FAM20B: variants seen among roughly 807,000 people sequenced by gnomAD.
FAM20B encodes glycosaminoglycan xylosylkinase.
A neutral mutation model predicts 43.8 loss-of-function variants in FAM20B; 23 were observed. That is an observed-to-expected ratio of 0.53 (90% CI 0.38 to 0.74). The LOEUF is 0.74. FAM20B is among the 30% of genes least tolerant of loss of function. The probability of loss-of-function intolerance (pLI) is 0.00; values close to 1 mark genes in which losing one functional copy is unlikely to be tolerated. For synonymous variants in FAM20B, 178 were observed against 192.4 expected, an observed-to-expected ratio of 0.93 and a Z score of 0.62; for missense variants, 440 against 510.5, an observed-to-expected ratio of 0.86 and a Z score of 1.33.
upstream of FAM20B, among the ~76,000 whole-genome samples, chr1:179,024,280 G>A (rs1006070806): frequency 6.6e-6 from 1 of 152,222 alleles, no homozygotes; most frequent in Non-Finnish European, 1.5e-5. Flanking sequence ...CATCCGCCCA[G>A]GAAGCTGAGG....
chr1:179,031,005 T>C (rs1649988420), intron 1 of FAM20B, among the ~76,000 whole-genome samples: 1 of 152,158 alleles, frequency 6.6e-6, no homozygotes, highest in African/African-American at 2.4e-5. Context: ...CTCCTGCTTC[T>C]GAGAGTGATC....
rs544975538 is a variant in FAM20B at position 179,041,647 on chromosome 1, C to T, written c.-133-2068C>T. ...GAGGGAGAGGGAGACCGTGGGGAGA[C>T]GGGAGACGGGAGATGGGAGACAGGG... On this transcript the variant is annotated intron_variant, in intron 1 of 7. Transcript: ENST00000263733. Among the ~76,000 whole-genome samples the T allele has an allele frequency of 2.8e-4, 33 of 116,074 alleles. 1 individual carries two copies. The highest frequency in any genetic ancestry group is 1.3e-3 in the African/African-American group (30 of 22,928). 76.1% of individuals were successfully genotyped at this position (116,074 alleles called of 152,430 possible).
At chr1:179,047,044 T>C (rs1650803631) in intron 2 of FAM20B, among the ~76,000 whole-genome samples, 1 of 152,022 alleles carries the variant, frequency 6.6e-6, no homozygotes. Flanking sequence ...ACTGGAGAAT[T>C]GAAGGGGAGT....
At chr1:179,055,290 G>A (rs886791491) in intron 4 of FAM20B, among the ~76,000 whole-genome samples, 47 of 152,130 alleles carry the variant, frequency 3.1e-4, no homozygotes, top group African/African-American at 1.1e-3. Flanking sequence ...TCAAAAGTGC[G>A]GTGGTTTCTT....
chr1:179,056,690 A>G (rs1316360240), intron 4 of FAM20B, among the ~76,000 whole-genome samples: 1 of 152,226 alleles, frequency 6.6e-6, no homozygotes, highest in Non-Finnish European at 1.5e-5. Flanking sequence ...TAGTAAGAGT[A>G]CATTTAGTAA....
At position 179,067,267 on chromosome 1, in the gene FAM20B, C is replaced by A. The variant is rs115089168; in HGVS notation, c.998+408C>A. 8.5e-3 allele frequency among the ~76,000 whole-genome samples: 1,295 copies of A among 152,112 alleles called. 17 individuals carry two copies. Among genetic ancestry groups the A allele is most frequent in the African/African-American group, 0.03 (1,228 of 41,488 alleles). ...CATACCACCTGGGGTTTACATATTT[C>A]AGTTTGAAATTGTCTAAACCAAAAG... On this transcript the variant is annotated intron_variant, in intron 7 of 7. Coordinates refer to ENST00000263733, the MANE Select transcript of FAM20B (RefSeq NM_014864.4).
chr1:179,021,190 G>A (rs1033762212), upstream of FAM20B, among the ~76,000 whole-genome samples: 2 of 152,188 alleles, frequency 1.3e-5, no homozygotes, highest in African/African-American at 2.4e-5. Flanking sequence ...ATTATCCATC[G>A]ATGGTAGAAG....
chr1:179,052,055 A>C (rs1260092266), intron 3 of FAM20B, among the ~76,000 whole-genome samples: 1 of 152,272 alleles, frequency 6.6e-6, no homozygotes, highest in East Asian at 1.9e-4. Flanking sequence ...TCACAAATTC[A>C]ATAGTCTTGA....
the FAM20B span, among the ~76,000 whole-genome samples, chr1:179,020,455 G>T: frequency 6.6e-6 from 1 of 152,178 alleles, no homozygotes; most frequent in African/African-American, 2.4e-5. Flanking sequence ...CAGGATGAGC[G>T]CTTGGAGAGA....
rs1442746249 is a variant in FAM20B, at chr1:179,073,404, CTCCCAGGTTCAAGCGATTCTCT to C, written c.*1262_*1283del. 1 of 152,254 alleles carries C rather than the reference CTCCCAGGTTCAAGCGATTCTCT, an allele frequency of 6.6e-6. No individual in the cohort carries two copies. The highest frequency in any genetic ancestry group is 2.4e-5 in the African/African-American group (1 of 41,438). 9.4% of individuals were successfully genotyped at this position (152,254 alleles called of 1,614,324 possible). A position where few individuals can be genotyped will look rare whatever the true frequency, so the allele number is the denominator to read the frequency against. ...GATCTTGGCTTACTGCAACCTCCGTCTCCCAGGTTCAAGCGATTCTCTTGCCTCAGCCTCCAGAGTAGCTGGG... is the reference window on the plus strand; with the variant it reads ...GATCTTGGCTTACTGCAACCTCCGTCTGCCTCAGCCTCCAGAGTAGCTGGG... On this transcript the variant is annotated 3_prime_UTR_variant, in exon 8 of 8. Transcript: ENST00000263733.
intron 4 of FAM20B, among the ~76,000 whole-genome samples, chr1:179,058,421 A>G (rs750405615): frequency 2.0e-5 from 3 of 152,310 alleles, no homozygotes; most frequent in East Asian, 1.9e-4. Flanking sequence ...TACAGACCCT[A>G]TGAGTTGACC....
intron 2 of FAM20B, among the ~76,000 whole-genome samples, chr1:179,048,030 A>G (rs1335725617): frequency 6.6e-6 from 1 of 152,168 alleles, no homozygotes; most frequent in Non-Finnish European, 1.5e-5. Context: ...TAGATGATAT[A>G]TATGGGAATA....
rs188004746 is a variant in FAM20B, at chr1:179,052,782, G to A, written c.465-1747G>A. Reference sequence around the variant, plus strand: ...GGATAAATCCTTCTCCTCACTTAATGGCACACTAGAATCAGGCTTTCCAAG... The same window carrying A: ...GGATAAATCCTTCTCCTCACTTAATAGCACACTAGAATCAGGCTTTCCAAG... On this transcript the variant is annotated intron_variant, in intron 3 of 7. Coordinates refer to ENST00000263733, the MANE Select transcript of FAM20B (RefSeq NM_014864.4). Among the ~76,000 whole-genome samples, 33 of 152,152 alleles carry A rather than the reference G, an allele frequency of 2.2e-4. 1 individual carries two copies. In the East Asian group the frequency reaches 4.1e-3, roughly 19 times the overall value.
rs879538131 is a variant in FAM20B, at chr1:179,075,458, A to G, written c.*3314A>G. 7 of 152,606 alleles carry G rather than the reference A, an allele frequency of 4.6e-5. No individual in the cohort carries two copies. Among genetic ancestry groups the G allele is most frequent in the Admixed American group, 4.6e-4 (7 of 15,286 alleles). The allele number at this position is 152,606 out of a possible 1,614,324, so 9.5% of individuals were successfully genotyped here. A position where few individuals can be genotyped will look rare whatever the true frequency, so the allele number is the denominator to read the frequency against. ...AGTTCGAATGGATAAATTTGAGTATAAAGGTTTTGTTATAAAACTGTTCTT... is the reference window on the plus strand; with the variant it reads ...AGTTCGAATGGATAAATTTGAGTATGAAGGTTTTGTTATAAAACTGTTCTT... On this transcript the variant is annotated 3_prime_UTR_variant, in exon 8 of 8. Coordinates refer to ENST00000263733, the MANE Select transcript of FAM20B (RefSeq NM_014864.4).
chr1:179,017,444 T>C, the FAM20B span, among the ~76,000 whole-genome samples: 2 of 152,362 alleles, frequency 1.3e-5, no homozygotes, highest in South Asian at 4.1e-4. Flanking sequence ...TTGACTTTTT[T>C]TTCATGACTA....
At chr1:179,034,895 T>C (rs1487847578) in intron 1 of FAM20B, among the ~76,000 whole-genome samples, 1 of 152,228 alleles carries the variant, frequency 6.6e-6, no homozygotes, top group Non-Finnish European at 1.5e-5. Context: ...GATTTGACCA[T>C]TAAATTAGAA....
At chr1:179,023,875 C>T (rs1649648841), upstream of FAM20B, among the ~76,000 whole-genome samples, 1 of 152,168 alleles carries the variant, frequency 6.6e-6, no homozygotes, top group Admixed American at 6.5e-5. Context: ...TGTAAACGCC[C>T]TTCTTAAATG....
At chr1:179,049,644 G>A (rs1215005446) in intron 2 of FAM20B, among the ~76,000 whole-genome samples, 1 of 152,112 alleles carries the variant, frequency 6.6e-6, no homozygotes, top group Non-Finnish European at 1.5e-5. Context: ...AGGTTCAAGC[G>A]ATTCTCCTGA....
chr1:179,062,543 G>A (rs1203357900), intron 4 of FAM20B, among the ~76,000 whole-genome samples: 2 of 151,838 alleles, frequency 1.3e-5, no homozygotes, highest in South Asian at 2.1e-4. Flanking sequence ...CCAGCTACTC[G>A]GGAGGCTGAG....
Sources: gnomAD v4.1 joint callset for allele counts (sites outside exome capture counted in the v4.1 genomes callset) on GRCh38, gnomAD v4.1.1 for gene constraint, MANE v1.5 for transcripts, NCBI Gene and HGNC (gene_info 2026-07-23, HGNC 2026-07-21) for gene names.